Variants in ZNF439 observed in about 807,000 individuals in gnomAD.
The protein encoded by ZNF439 is zinc finger protein 439.
Under a neutral mutation model 47.3 loss-of-function variants are expected in ZNF439, and 40 were observed. That is an observed-to-expected ratio of 0.85 (90% CI 0.66 to 1.10). The LOEUF (loss-of-function observed/expected upper bound fraction) is 1.10, where lower values mean the gene tolerates loss of function less well. Among genes scored for constraint, ZNF439 ranks in the 50% least tolerant of loss-of-function variants. ZNF439 has a pLI of 0.00. For missense variants in ZNF439, 556 were observed against 601.1 expected (o/e 0.93, Z 0.78); for synonymous variants, 171 against 198.8 (o/e 0.86, Z 1.18).
intron 3 of ZNF439, 34 bp from the exon 4 acceptor site, chr19:11,867,272 A>T (rs1385434117): frequency 1.9e-6 from 3 of 1,588,426 alleles, no homozygotes; most frequent in Non-Finnish European, 2.6e-6. Flanking sequence ...ACTTATAAAC[A>T]AACTCTTCAT....
At chr19:11,855,390 C>G (rs984945198) in intron 1 of ZNF439, among the ~76,000 whole-genome samples, 1 of 152,146 alleles carries the variant, frequency 6.6e-6, no homozygotes, top group Non-Finnish European at 1.5e-5. Context: ...GGTTGGTTAG[C>G]ACACCAGTTA....
chr19:11,863,492 A>T (rs925597967), intron 1 of ZNF439, among the ~76,000 whole-genome samples: 1 of 152,040 alleles, frequency 6.6e-6, no homozygotes, highest in South Asian at 2.1e-4. Flanking sequence ...CTTTTTTCTT[A>T]TAGAATTCTA....
rs1976724981 is a variant in ZNF439, at chr19:11,867,567, C to T, written c.513C>T (p.Ala171=). The change falls in exon 4 of 4, where the codon GCC becomes GCT. Residue 171 remains alanine, a synonymous_variant. Coordinates refer to ENST00000682736, the MANE Select transcript of ZNF439 (RefSeq NM_001348719.2). ...GGAAGAGTCAACAACCTAAAAAAGC[C>T]TTCAGATATCACCCCTCCTTGAGAA... is the stretch of plus-strand genomic sequence containing the variant. ...KPWKSQQPKK[A]FRYHPSLRTQ... The T allele has an allele frequency of 6.2e-7, 1 of 1,614,004 alleles. No individual in the cohort carries two copies. The highest frequency in any genetic ancestry group is 8.5e-7 in the Non-Finnish European group (1 of 1,180,036).
chr19:11,855,071 C>T (rs1182139063), intron 1 of ZNF439, among the ~76,000 whole-genome samples: 6 of 152,186 alleles, frequency 3.9e-5, no homozygotes, highest in Non-Finnish European at 8.8e-5. Context: ...GATAATGCCA[C>T]TGAGGAAGAG....
chr19:11,867,090 G>C lies in ZNF439; in HGVS notation c.252-216G>C, dbSNP rs1447466921. On this transcript the variant is annotated intron_variant, in intron 3 of 3. Coordinates refer to ENST00000682736, the MANE Select transcript of ZNF439 (RefSeq NM_001348719.2). ...TATTTTAAAATAGTTTACATGGGAA[G>C]AGTATTAAGAAGCCCCATATAAACA... 2.6e-5 allele frequency among the ~76,000 whole-genome samples: 4 copies of C among 152,326 alleles called. No homozygotes were observed. In the East Asian group the frequency reaches 7.7e-4, roughly 29 times the overall value.
rs1030222432 is a variant in ZNF439 at position 11,868,732 on chromosome 19, A to G, written c.*163A>G. On this transcript the variant is annotated 3_prime_UTR_variant, in exon 4 of 4. Coordinates refer to ENST00000682736, the MANE Select transcript of ZNF439 (RefSeq NM_001348719.2). Reference sequence around the variant, plus strand: ...AGGACTCACAGTGGAGAAAAACTCTATGAGTGTAAGCAATGTGGGAAAGTC... The same window carrying G: ...AGGACTCACAGTGGAGAAAAACTCTGTGAGTGTAAGCAATGTGGGAAAGTC... 2.1e-5 allele frequency: 17 copies of G among 795,022 alleles called. No homozygotes were observed. Among genetic ancestry groups the G allele is most frequent in the Middle Eastern group, 2.3e-4 (1 of 4,274 alleles). 49.2% of individuals were successfully genotyped at this position (795,022 alleles called of 1,614,324 possible).
chr19:11,867,483 C>T lies in ZNF439; in HGVS notation c.429C>T (p.Asn143=). The T allele has an allele frequency of 2.5e-6, 4 of 1,614,092 alleles. No individual in the cohort carries two copies. The highest frequency in any genetic ancestry group is 1.6e-4 in the Middle Eastern group (1 of 6,062). ...TAGGTAACTCATCTTCTAATATGAA[C>T]ATCAGAGGTGACACTGGACACAAGG... is the stretch of plus-strand genomic sequence containing the variant. The part of the protein sequence containing the change: ...VGLGNSSSNM[N]IRGDTGHKAC... Residue 143 remains asparagine, a synonymous_variant, in exon 4 of 4, where the codon AAC becomes AAT. Transcript: ENST00000682736.
At chr19:11,866,359 G>A (rs1390445456) in intron 2 of ZNF439, 28 bp downstream of exon 2, 1 of 1,613,430 alleles carries the variant, frequency 6.2e-7, no homozygotes, top group Non-Finnish European at 8.5e-7. Flanking sequence ...CCTTCCCTCA[G>A]TGCATTAGTT....
Position 11,867,978 on chromosome 19 carries a change from T to C in ZNF439, c.924T>C (p.Cys308=), listed in dbSNP as rs1976746849. 1 of 1,613,940 alleles carries C rather than the reference T, an allele frequency of 6.2e-7. No individual in the cohort carries two copies. Among genetic ancestry groups the C allele is most frequent in the Admixed American group, 1.7e-5 (1 of 59,992 alleles). ...AGAAGGCTTATCAATGTAAGGAATG[T>C]GGAAAAGCATTCATGTGTCCCCGTT... ...MGEKAYQCKE[C]GKAFMCPRYV... Residue 308 remains cysteine (C), a synonymous_variant, in exon 4 of 4, where the codon TGT becomes TGC. Transcript: ENST00000682736.
intron 1 of ZNF439, among the ~76,000 whole-genome samples, chr19:11,851,856 C>T (rs973050908): frequency 3.3e-5 from 5 of 152,074 alleles, no homozygotes; most frequent in African/African-American, 1.2e-4. Context: ...ATACATTGCC[C>T]AGGCTTGTCT....
rs113442649 is a variant in ZNF439 at position 11,868,083 on chromosome 19, T to C, written c.1029T>C (p.Leu343=). The C allele has an allele frequency of 1.6e-3, 2,536 of 1,614,142 alleles. 34 individuals are homozygous for C. In the African/African-American group the frequency reaches 0.028, roughly 18 times the overall value. The change falls in exon 4 of 4, where the codon CTT becomes CTC. Residue 343 remains leucine, a synonymous_variant. Transcript: ENST00000682736. ...AGTGTGGGAAAGCATTATCCTCTCT[T>C]ACAAGTTTTCAAACACACATAAGAA... ...CKQCGKALSS[L]TSFQTHIRMH...
In ZNF439 at chr19:11,868,790, A is replaced by T; in HGVS notation, c.*221A>T. The T allele has an allele frequency of 3.4e-6, 2 of 593,554 alleles. No homozygotes were observed. Among genetic ancestry groups the T allele is most frequent in the Non-Finnish European group, 6.2e-6 (2 of 324,048 alleles). The allele number at this position is 593,554 out of a possible 1,614,324, so 36.8% of individuals were successfully genotyped here. A position where few individuals can be genotyped will look rare whatever the true frequency, so the allele number is the denominator to read the frequency against. On this transcript the variant is annotated 3_prime_UTR_variant, in exon 4 of 4. Coordinates refer to ENST00000682736, the MANE Select transcript of ZNF439 (RefSeq NM_001348719.2). ...CTGTCAAGAACCTTTCAATTTATGA[A>T]AGGACACACACTGGAGAGAAACCCT...
At chr19:11,849,165 C>G (rs1161480173) in intron 1 of ZNF439, 4 of 1,085,466 alleles carry the variant, frequency 3.7e-6, no homozygotes, top group South Asian at 2.4e-5. Flanking sequence ...TGTGCAGCTC[C>G]GCGCCCGCAG....
chr19:11,848,915 T>C lies in ZNF439; in HGVS notation c.48T>C (p.Ser16=). 2 of 1,573,346 alleles carry C rather than the reference T, an allele frequency of 1.3e-6. No homozygotes were observed. Among genetic ancestry groups the C allele is most frequent in the Admixed American group, 1.7e-5 (1 of 58,532 alleles). ...HRSCREDPGT[S]ESREMDPVAF... ...GCTGTAGAGAGGACCCCGGTACATC[T>C]GAAAGCCGGGAAATGGTGCGTGTGC... The change falls in exon 1 of 4, where the codon TCT becomes TCC. Residue 16 remains serine (S), a synonymous_variant. Transcript: ENST00000682736.
At chr19:11,866,840 G>A (rs373398349) in intron 3 of ZNF439, among the ~76,000 whole-genome samples, 25 of 152,216 alleles carry the variant, frequency 1.6e-4, no homozygotes, top group East Asian at 1.4e-3. Context: ...AACAGCCTGC[G>A]CAACATAACA....
rs115302928 is a variant in ZNF439, at chr19:11,868,251, C to T, written c.1197C>T (p.Ser399=). Residue 399 remains serine (S), a synonymous_variant, in exon 4 of 4, where the codon TCC becomes TCT. Transcript: ENST00000682736. ...AATGTGGTAAAGCCTTCACTCGTTC[C>T]GGTTCCTTTCGATATCATGAAAGGA... ...CKQCGKAFTR[S]GSFRYHERTH... is the part of the protein sequence containing the mutation. 8.6e-4 allele frequency: 1,384 copies of T among 1,613,520 alleles called. 14 individuals carry two copies. In the African/African-American group the frequency reaches 0.015, roughly 18 times the overall value.
intron 1 of ZNF439, among the ~76,000 whole-genome samples, chr19:11,855,533 G>T (rs925434325): frequency 6.6e-6 from 1 of 152,104 alleles, no homozygotes; most frequent in Non-Finnish European, 1.5e-5. Context: ...CCTTCTAGTG[G>T]GGTGGTATAA....
chr19:11,866,349 C>A lies in ZNF439; in HGVS notation c.190+18C>A. On this transcript the variant is annotated intron_variant, in intron 2 of 3. Transcript: ENST00000682736. ...CTCTATAGGTAAGGATGACAATATT[C>A]CTTCCCTCAGTGCATTAGTTTACCA... 2 of 1,614,008 alleles carry A rather than the reference C, an allele frequency of 1.2e-6. No homozygotes were observed. The highest frequency in any genetic ancestry group is 1.7e-6 in the Non-Finnish European group (2 of 1,179,982).
intron 1 of ZNF439, chr19:11,857,475 T>C (rs759442486): frequency 2.0e-5 from 3 of 152,228 alleles, no homozygotes; most frequent in Admixed American, 1.3e-4. Context: ...CTATTACTGA[T>C]ACAGACTTGT....
Sources: gnomAD v4.1 joint callset for allele counts (sites outside exome capture counted in the v4.1 genomes callset) on GRCh38, gnomAD v4.1.1 for gene constraint, MANE v1.5 for transcripts, NCBI Gene and HGNC (gene_info 2026-07-23, HGNC 2026-07-21) for gene names.